VAMP4: variants seen among roughly 807,000 people sequenced by gnomAD.
The protein encoded by VAMP4 is vesicle-associated membrane protein 4.
Under a neutral mutation model 23.5 loss-of-function variants are expected in VAMP4, and 19 were observed. The observed-to-expected ratio is 0.81, with a 90% CI of 0.56 to 1.19. VAMP4 has a LOEUF of 1.19. Ranked by LOEUF, VAMP4 falls within the 50% of genes most tolerant of loss-of-function variation. The pLI is 0.00. For synonymous variants in VAMP4, 31 were observed against 51.0 expected (o/e 0.61, Z 1.67); for missense variants, 145 against 168.6 (o/e 0.86, Z 0.78).
chr1:171,716,286 GT>G (rs1400097893), intron 4 of VAMP4, among the ~76,000 whole-genome samples: 1 of 152,058 alleles, frequency 6.6e-6, no homozygotes, highest in Non-Finnish European at 1.5e-5. Context: ...TAATGCTATT[GT>G]TTAATTTAAA....
intron 4 of VAMP4, among the ~76,000 whole-genome samples, chr1:171,718,496 A>G (rs1219555431): frequency 6.6e-6 from 1 of 152,090 alleles, no homozygotes; most frequent in African/African-American, 2.4e-5. Context: ...TATCTTTCCG[A>G]TATCAGACAC....
chr1:171,737,756 C>G (rs1188932864), intron 2 of VAMP4, among the ~76,000 whole-genome samples: 2 of 152,036 alleles, frequency 1.3e-5, no homozygotes, highest in Non-Finnish European at 2.9e-5. Flanking sequence ...CTGAAAAATT[C>G]CAAATACATT....
rs192937368 is a variant in VAMP4 at position 171,701,511 on chromosome 1, A to G, written c.*2995T>C. On this transcript the variant is annotated 3_prime_UTR_variant, in exon 8 of 8. Transcript: ENST00000236192. ...ATTCCTGCCTTCTCAGTCTGTACACATATTATCATTTACAGGATAGTCACA... is the reference window on the plus strand; with the variant it reads ...ATTCCTGCCTTCTCAGTCTGTACACGTATTATCATTTACAGGATAGTCACA... 44 of 152,194 alleles carry G rather than the reference A, an allele frequency of 2.9e-4. No individual in the cohort carries two copies. Among genetic ancestry groups the G allele is most frequent in the Admixed American group, 7.2e-4 (11 of 15,268 alleles). 9.4% of individuals were successfully genotyped at this position (152,194 alleles called of 1,614,324 possible).
At chr1:171,717,365 T>C (rs562716584) in intron 4 of VAMP4, among the ~76,000 whole-genome samples, 1 of 152,116 alleles carries the variant, frequency 6.6e-6, no homozygotes, top group South Asian at 2.1e-4. Context: ...GAACTACAGC[T>C]AATTTGAGTC....
At chr1:171,736,762 A>G (rs984073049) in intron 2 of VAMP4, among the ~76,000 whole-genome samples, 1 of 152,200 alleles carries the variant, frequency 6.6e-6, no homozygotes, top group Admixed American at 6.5e-5. Context: ...GGATTACTTG[A>G]GCTCAGGAAT....
Position 171,710,788 on chromosome 1 carries a change from A to G in VAMP4, c.191T>C (p.Ile64Thr), listed in dbSNP as rs748346948. ...KHVQNQVDEV[I>T]DVMQENITKV... The stretch of plus-strand genomic sequence containing the variant: ...TGTAATATTTTCTTGCATGACATCA[A>G]TAACTTCATCCACTTGATTCTGAAC... The change falls in exon 5 of 8, where the codon ATT (isoleucine) becomes ACT (threonine). Residue 64 changes from isoleucine (I) to threonine (T), a missense_variant. Transcript: ENST00000236192. 1.9e-6 allele frequency: 3 copies of G among 1,609,328 alleles called. No individual in the cohort carries two copies. The Admixed American group carries it at 5.1e-5, about 27-fold the overall frequency.
At chr1:171,724,216 C>T (rs562626119) in intron 3 of VAMP4, among the ~76,000 whole-genome samples, 3 of 151,628 alleles carry the variant, frequency 2.0e-5, no homozygotes, top group Non-Finnish European at 4.4e-5. Flanking sequence ...AGCAAACTAT[C>T]GCAAAGACAG....
At chr1:171,726,332 G>T (rs1213396941) in intron 3 of VAMP4, among the ~76,000 whole-genome samples, 1 of 152,252 alleles carries the variant, frequency 6.6e-6, no homozygotes. Context: ...TTACAGGCGT[G>T]AGCCACTGCA....
chr1:171,728,643 A>G (rs1281491574), intron 2 of VAMP4, 73 bp from the exon 3 acceptor site: 3 of 1,428,782 alleles, frequency 2.1e-6, no homozygotes, highest in Non-Finnish European at 1.9e-6. Flanking sequence ...GAGTAATGAA[A>G]TAAGTCCTAT....
rs1330620854 is a variant in VAMP4 at position 171,703,425 on chromosome 1, G to GTGTGTGTA, written c.*1080_*1081insTACACACA. ...TGTGTGTGTGTGTGTGTGTTTGTGT[G>GTGTGTGTA]TATATATATATATATATATATATAT... On this transcript the variant is annotated 3_prime_UTR_variant, in exon 8 of 8. Coordinates refer to ENST00000236192, the MANE Select transcript of VAMP4 (RefSeq NM_003762.5). 5.0e-5 allele frequency: 4 copies of GTGTGTGTA among 80,672 alleles called. No homozygotes were observed. Among genetic ancestry groups the GTGTGTGTA allele is most frequent in the African/African-American group, 1.9e-4 (4 of 20,964 alleles). The allele number at this position is 80,672 out of a possible 1,614,324, so 5.0% of individuals were successfully genotyped here.
At chr1:171,729,771 C>T (rs12567851) in intron 2 of VAMP4, among the ~76,000 whole-genome samples, 20,796 of 152,166 alleles carry the variant, frequency 0.14, 1,842 homozygotes, top group Non-Finnish European at 0.2. Context: ...GTGATTCTCC[C>T]GCCTTAGCCT....
intron 1 of VAMP4, among the ~76,000 whole-genome samples, chr1:171,741,361 G>A (rs1655919208): frequency 1.3e-5 from 2 of 152,088 alleles, no homozygotes; most frequent in Non-Finnish European, 2.9e-5. Flanking sequence ...AAGTGACTTG[G>A]ATGGACACAG....
intron 4 of VAMP4, among the ~76,000 whole-genome samples, chr1:171,714,848 T>C (rs1394990757): frequency 1.3e-5 from 2 of 152,180 alleles, no homozygotes; most frequent in African/African-American, 4.8e-5. Flanking sequence ...TTAGAAAGAT[T>C]ATACTCCAGT....
chr1:171,721,131 G>C (rs1320509753), intron 3 of VAMP4, among the ~76,000 whole-genome samples: 2 of 151,922 alleles, frequency 1.3e-5, no homozygotes, highest in Non-Finnish European at 2.9e-5. Flanking sequence ...TCACAAACTA[G>C]GAATAGGAGG....
In VAMP4 at chr1:171,703,425, G is replaced by GTGTATATA. The variant is rs1330620854; in HGVS notation, c.*1080_*1081insTATATACA. The GTGTATATA allele has an allele frequency of 4.5e-4, 36 of 80,648 alleles. No homozygotes were observed. The highest frequency in any genetic ancestry group is 5.7e-4 in the African/African-American group (12 of 20,960). 5.0% of individuals were successfully genotyped at this position (80,648 alleles called of 1,614,324 possible). A position where few individuals can be genotyped will look rare whatever the true frequency, so the allele number is the denominator to read the frequency against. The stretch of plus-strand genomic sequence containing the variant: ...TGTGTGTGTGTGTGTGTGTTTGTGT[G>GTGTATATA]TATATATATATATATATATATATAT... On this transcript the variant is annotated 3_prime_UTR_variant, in exon 8 of 8. Coordinates refer to ENST00000236192, the MANE Select transcript of VAMP4 (RefSeq NM_003762.5).
chr1:171,733,956 C>T (rs1209387679), intron 2 of VAMP4, among the ~76,000 whole-genome samples: 3 of 152,082 alleles, frequency 2.0e-5, no homozygotes, highest in African/African-American at 7.2e-5. Flanking sequence ...AATGGGCAAA[C>T]CAAATGTGTT....
At chr1:171,741,670 C>A (rs911675002) in intron 1 of VAMP4, among the ~76,000 whole-genome samples, 1 of 152,068 alleles carries the variant, frequency 6.6e-6, no homozygotes, top group African/African-American at 2.4e-5. Flanking sequence ...CCAGAGTACC[C>A]CTCAATTCCA....
At chr1:171,727,748 A>C (rs1338768576) in intron 3 of VAMP4, among the ~76,000 whole-genome samples, 4 of 152,262 alleles carry the variant, frequency 2.6e-5, no homozygotes, top group Non-Finnish European at 5.9e-5. Context: ...ATACAATGGA[A>C]TACTACTCAG....
chr1:171,713,155 AG>A (rs1252558608), intron 4 of VAMP4, among the ~76,000 whole-genome samples: 7 of 152,188 alleles, frequency 4.6e-5, no homozygotes, highest in Non-Finnish European at 1.0e-4. Flanking sequence ...GAACAGTTTG[AG>A]TATAAATCCT....
Sources: allele counts gnomAD v4.1 joint callset (sites outside exome capture counted in the v4.1 genomes callset), GRCh38; gene constraint gnomAD v4.1.1; transcripts MANE v1.5; gene names NCBI Gene and HGNC (gene_info 2026-07-23, HGNC 2026-07-21).